DOCK3: variants seen among roughly 807,000 people sequenced by gnomAD.
DOCK3 encodes the protein dedicator of cytokinesis protein 3.
DOCK3 carries 60 observed loss-of-function variants against 265.6 expected under a neutral mutation model. That is an observed-to-expected ratio of 0.23 (90% CI 0.18 to 0.28). DOCK3 has a LOEUF of 0.28. DOCK3 is among the 10% of genes least tolerant of loss of function. DOCK3 has a pLI of 1.00. For missense variants in DOCK3, 1,981 were observed against 2,594.3 expected, an observed-to-expected ratio of 0.76 and a Z score of 5.14; for synonymous variants, 881 against 938.0, an observed-to-expected ratio of 0.94 and a Z score of 1.11.
At chr3:51,347,978 C>T (rs979126134) in intron 38 of DOCK3, among the ~76,000 whole-genome samples, 1 of 152,140 alleles carries the variant, frequency 6.6e-6, no homozygotes, top group Non-Finnish European at 1.5e-5. Flanking sequence ...GTGATTTTTG[C>T]ACATTGATTT....
chr3:51,099,440 TC>T (rs2082994382), intron 9 of DOCK3, among the ~76,000 whole-genome samples: 1 of 152,186 alleles, frequency 6.6e-6, no homozygotes, highest in South Asian at 2.1e-4. Flanking sequence ...AAAGAAAAGA[TC>T]AGGTTCTTTA....
chr3:50,786,748 C>A (rs767172794), intron 2 of DOCK3: 4 of 732,550 alleles, frequency 5.5e-6, no homozygotes, highest in Non-Finnish European at 7.8e-6. Flanking sequence ...AATACTGCTT[C>A]GTGTTGAAAT....
intron 12 of DOCK3, among the ~76,000 whole-genome samples, chr3:51,199,544 A>G (rs1304277516): frequency 1.3e-5 from 2 of 152,280 alleles, no homozygotes; most frequent in Admixed American, 6.5e-5. Flanking sequence ...GGAAGCTCCA[A>G]CTGGGTGGAG....
intron 32 of DOCK3, among the ~76,000 whole-genome samples, chr3:51,320,214 G>A (rs1053222578): frequency 5.9e-5 from 9 of 152,160 alleles, no homozygotes; most frequent in Non-Finnish European, 1.2e-4. Context: ...GGAAGCACAA[G>A]GGGTCGGGGA....
chr3:50,821,233 T>C (rs2044405748), intron 2 of DOCK3, among the ~76,000 whole-genome samples: 1 of 151,616 alleles, frequency 6.6e-6, no homozygotes, highest in African/African-American at 2.4e-5. Flanking sequence ...CTTTGGAGAC[T>C]TAGCCACAGG....
intron 22 of DOCK3, among the ~76,000 whole-genome samples, chr3:51,252,246 G>A (rs996044536): frequency 6.6e-6 from 1 of 152,220 alleles, no homozygotes; most frequent in Non-Finnish European, 1.5e-5. Context: ...CCAGTACCAT[G>A]CTGTTTTGGT....
intron 23 of DOCK3, among the ~76,000 whole-genome samples, chr3:51,264,932 T>G (rs952912374): frequency 6.6e-6 from 1 of 151,704 alleles, no homozygotes; most frequent in Non-Finnish European, 1.5e-5. Flanking sequence ...TTTGAAAAGA[T>G]TAACAAAATA....
At position 51,228,693 on chromosome 3, in the gene DOCK3, T is replaced by C; in HGVS notation, c.1680T>C (p.Ala560=). The change falls in exon 18 of 53, where the codon GCT becomes GCC. Residue 560 remains alanine, a synonymous_variant. Transcript: ENST00000266037. ...AGAATAGCACGTTTAATAACCATGC[T>C]CTGTACCTGGGCCTGCCCTGCTGCA... is the stretch of plus-strand genomic sequence containing the variant. ...CDENSTFNNH[A]LYLGLPCCKE... The C allele has an allele frequency of 6.2e-7, 1 of 1,613,924 alleles. No individual in the cohort carries two copies. The highest frequency in any genetic ancestry group is 8.5e-7 in the Non-Finnish European group (1 of 1,179,868).
chr3:50,758,748 A>G (rs1394550456), intron 1 of DOCK3, among the ~76,000 whole-genome samples: 2 of 152,172 alleles, frequency 1.3e-5, no homozygotes, highest in Non-Finnish European at 2.9e-5. Flanking sequence ...TCCGGGAACA[A>G]TGTATTACAG....
At chr3:51,314,942 C>A (rs2083286916) in intron 31 of DOCK3, 38 bp from the exon 32 acceptor site, 1 of 1,561,754 alleles carries the variant, frequency 6.4e-7, no homozygotes, top group Non-Finnish European at 8.7e-7. Flanking sequence ...ATGGAAGGAG[C>A]AAAGCAGGCA....
At chr3:50,811,287 C>T (rs2043742501) in intron 2 of DOCK3, among the ~76,000 whole-genome samples, 1 of 151,762 alleles carries the variant, frequency 6.6e-6, no homozygotes, top group South Asian at 2.1e-4. Context: ...GCCTGTAGTT[C>T]TGGCTACTCA....
chr3:51,232,932 G>C (rs535143871), intron 19 of DOCK3, among the ~76,000 whole-genome samples: 7 of 152,194 alleles, frequency 4.6e-5, no homozygotes, highest in Non-Finnish European at 7.3e-5. Context: ...CCAGATGGCT[G>C]TAGGTAGGCC....
intron 1 of DOCK3, among the ~76,000 whole-genome samples, chr3:50,770,770 G>A (rs113554811): frequency 0.015 from 2,324 of 152,116 alleles, 49 homozygotes; most frequent in African/African-American, 0.052. Context: ...AACCCTAACC[G>A]TACCTTAACT....
chr3:50,719,528 C>T, intron 1 of DOCK3: 2 of 1,110,174 alleles, frequency 1.8e-6, no homozygotes, highest in Admixed American at 1.8e-5. Context: ...ACTGGTCTTG[C>T]CGTTTCTGGA....
At chr3:51,289,267 C>T (rs1234234542) in intron 27 of DOCK3, among the ~76,000 whole-genome samples, 1 of 151,928 alleles carries the variant, frequency 6.6e-6, no homozygotes, top group Non-Finnish European at 1.5e-5. Flanking sequence ...ACCACAGATA[C>T]TAGGGCCTAT....
intron 5 of DOCK3, among the ~76,000 whole-genome samples, chr3:51,011,370 C>A (rs1317827725): frequency 6.6e-6 from 1 of 152,078 alleles, no homozygotes; most frequent in Non-Finnish European, 1.5e-5. Context: ...TCATTTCATT[C>A]ATTTGATCTT....
In DOCK3 at chr3:50,999,127, TA is replaced by T. The variant is rs1472321032; in HGVS notation, c.315+65054del. 2.6e-5 allele frequency among the ~76,000 whole-genome samples: 4 copies of T among 152,308 alleles called. 1 individual carries two copies. Among genetic ancestry groups the T allele is most frequent in the Non-Finnish European group, 4.4e-5 (3 of 68,014 alleles). ...ATATTTCTAAAGAGTTTTACTGCTA[TA>T]AAACCGTAGAAATAATGCCACAAAT... is the stretch of plus-strand genomic sequence containing the variant. On this transcript the variant is annotated intron_variant, in intron 5 of 52. Coordinates refer to ENST00000266037, the MANE Select transcript of DOCK3 (RefSeq NM_004947.5).
intron 5 of DOCK3, among the ~76,000 whole-genome samples, chr3:51,026,326 GC>G (rs1488279217): frequency 6.6e-6 from 1 of 151,890 alleles, no homozygotes; most frequent in African/African-American, 2.4e-5. Context: ...CAGGAATAAA[GC>G]CCATTTGATC....
intron 3 of DOCK3, among the ~76,000 whole-genome samples, chr3:50,874,068 T>TG (rs1346655697): frequency 6.7e-6 from 1 of 148,848 alleles, no homozygotes; most frequent in Non-Finnish European, 1.5e-5. Context: ...TTTCTTTTGT[T>TG]TTTTTTTTTT....
Sources: gnomAD v4.1 joint callset for allele counts (sites outside exome capture counted in the v4.1 genomes callset) on GRCh38, gnomAD v4.1.1 for gene constraint, MANE v1.5 for transcripts, NCBI Gene and HGNC (gene_info 2026-07-23, HGNC 2026-07-21) for gene names.